Variants in PRCC observed in about 807,000 individuals in gnomAD.
PRCC encodes the protein proline-rich protein PRCC.
PRCC carries 10 observed loss-of-function variants against 44.0 expected under a neutral mutation model. That is an observed-to-expected ratio of 0.23 (90% confidence interval 0.14 to 0.39). PRCC has a LOEUF of 0.39. Ranked by LOEUF, PRCC falls within the 10% of genes least tolerant of loss-of-function variation. PRCC has a pLI of 1.00. For synonymous variants in PRCC, 278 were observed against 259.5 expected, an observed-to-expected ratio of 1.07 and a Z score of -0.69; for missense variants, 573 against 624.7, an observed-to-expected ratio of 0.92 and a Z score of 0.88.
At chr1:156,797,368 C>G (rs372265735) in intron 6 of PRCC, 27 bp downstream of exon 6, 1 of 1,613,404 alleles carries the variant, frequency 6.2e-7, no homozygotes, top group South Asian at 1.1e-5. Context: ...GGCTCTGGCT[C>G]AGGCAGGATC....
rs1262687240 is a variant in PRCC at position 156,791,745 on chromosome 1, C to A, written c.1132C>A (p.Pro378Thr). ...TCCTGCACAGGACCCGGCCCTGGTC[C>A]CCCCCCAGGAAATTGCCCCAGATGC... The part of the protein sequence containing the change: ...YYPAQDPALV[P>T]PQEIAPDASF... Residue 378 changes from proline (P) to threonine (T), a missense_variant, in exon 4 of 7, where the codon CCC becomes ACC. By Grantham distance (38) the Pro-to-Thr change is conservative. Coordinates refer to ENST00000271526, the MANE Select transcript of PRCC (RefSeq NM_005973.5). 1 of 1,613,796 alleles carries A rather than the reference C, an allele frequency of 6.2e-7. No homozygotes were observed. Among genetic ancestry groups the A allele is most frequent in the South Asian group, 1.1e-5 (1 of 91,042 alleles).
intron 4 of PRCC, among the ~76,000 whole-genome samples, chr1:156,792,033 G>A (rs1247161184): frequency 7.2e-6 from 1 of 139,370 alleles, no homozygotes; most frequent in Non-Finnish European, 1.6e-5. Context: ...GCTCCACAGA[G>A]TCAGGGATCT....
chr1:156,771,235 G>A (rs1260716090), intron 1 of PRCC, among the ~76,000 whole-genome samples: 2 of 152,222 alleles, frequency 1.3e-5, no homozygotes, highest in Admixed American at 6.5e-5. Context: ...GCATTTGAGA[G>A]GGTGGGGAGT....
At chr1:156,775,315 T>C (rs576440902) in intron 1 of PRCC, among the ~76,000 whole-genome samples, 1 of 151,700 alleles carries the variant, frequency 6.6e-6, no homozygotes, top group African/African-American at 2.4e-5. Flanking sequence ...CTCAGACCCC[T>C]GGGCTCAAGT....
At chr1:156,789,177 T>G (rs1323496256) in intron 3 of PRCC, among the ~76,000 whole-genome samples, 1 of 152,076 alleles carries the variant, frequency 6.6e-6, no homozygotes, top group Non-Finnish European at 1.5e-5. Context: ...ACCATGTTGG[T>G]CAGGCTGGTC....
At chr1:156,795,913 CACCAGCGAG>C (rs1378691775) in intron 5 of PRCC, 11 of 152,258 alleles carry the variant, frequency 7.2e-5, no homozygotes, top group Non-Finnish European at 5.9e-5. Flanking sequence ...TTGAGCCCAG[CACCAGCGAG>C]ACCAAGGTCG....
intron 2 of PRCC, among the ~76,000 whole-genome samples, chr1:156,782,954 G>GGA (rs1484244100): frequency 6.6e-6 from 1 of 151,968 alleles, no homozygotes; most frequent in African/African-American, 2.4e-5. Context: ...TGCCCAGGCT[G>GGA]GAGTGCAATG....
chr1:156,791,223 C>T, intron 3 of PRCC: 2 of 1,176,448 alleles, frequency 1.7e-6, no homozygotes, highest in Non-Finnish European at 1.2e-6. Flanking sequence ...ACCTCCCCAC[C>T]CGGTTTAGAC....
At position 156,791,033 on chromosome 1, in the gene PRCC, C is replaced by T. The variant is rs1240538096; in HGVS notation, c.1084-664C>T. 7.2e-6 allele frequency: 9 copies of T among 1,256,462 alleles called. 1 individual carries two copies. The East Asian group carries it at 3.3e-4, about 46-fold the overall frequency. 77.8% of individuals were successfully genotyped at this position (1,256,462 alleles called of 1,614,324 possible). Reference sequence around the variant, plus strand: ...GCTGCCTGACTTCACCAAGCAGAGGCCTTGCCCTTGCCTTCACCCTCCTCT... The same window carrying T: ...GCTGCCTGACTTCACCAAGCAGAGGTCTTGCCCTTGCCTTCACCCTCCTCT... On this transcript the variant is annotated intron_variant, in intron 3 of 6. Coordinates refer to ENST00000271526, the MANE Select transcript of PRCC (RefSeq NM_005973.5).
chr1:156,791,181 T>C, intron 3 of PRCC: 1 of 1,376,890 alleles, frequency 7.3e-7, no homozygotes, highest in Non-Finnish European at 9.9e-7. Context: ...CATTGTATCC[T>C]AATAGTGGTT....
At chr1:156,776,171 C>G (rs2102756149) in intron 1 of PRCC, among the ~76,000 whole-genome samples, 1 of 152,296 alleles carries the variant, frequency 6.6e-6, no homozygotes. Context: ...GCCTGCGCAA[C>G]AGAGTGAGAC....
chr1:156,780,665 A>G (rs1476394070), intron 1 of PRCC, among the ~76,000 whole-genome samples: 1 of 151,960 alleles, frequency 6.6e-6, no homozygotes, highest in Non-Finnish European at 1.5e-5. Flanking sequence ...GTTTTCCGTA[A>G]TGGTAGTACT....
intron 4 of PRCC, among the ~76,000 whole-genome samples, chr1:156,793,904 G>C (rs1652572561): frequency 6.6e-6 from 1 of 150,870 alleles, no homozygotes; most frequent in Non-Finnish European, 1.5e-5. Context: ...TGGTATTATA[G>C]ATGTGAGTCA....
At chr1:156,774,043 A>G (rs1213432485) in intron 1 of PRCC, among the ~76,000 whole-genome samples, 1 of 152,098 alleles carries the variant, frequency 6.6e-6, no homozygotes, top group Non-Finnish European at 1.5e-5. Flanking sequence ...GTATCTAGAA[A>G]AGTCAAATTC....
intron 4 of PRCC, 44 bp from the exon 5 acceptor site, chr1:156,794,621 A>G (rs1279384908): frequency 6.8e-6 from 11 of 1,608,542 alleles, no homozygotes; most frequent in Non-Finnish European, 9.3e-6. Flanking sequence ...ATCTGCTGAC[A>G]CCCTTGCCCA....
chr1:156,768,045 C>A lies in PRCC; in HGVS notation c.274C>A (p.Pro92Thr). ...GCCCTTCGGCCTGGGAGGCTTCCCC[C>A]CACCTCCAGGCGTGAGCCCGGCTGA... Reference protein sequence around the residue: ...PLPFGLGGFPPPPGVSPAEAA... With the variant: ...PLPFGLGGFPTPPGVSPAEAA... The change falls in exon 1 of 7, where the codon CCA becomes ACA. Residue 92 changes from proline (P) to threonine (T), a missense_variant. Physicochemically the swap from Pro to Thr is conservative, Grantham distance 38 (BLOSUM62 -1). Around this residue, in one of 4 missense-constraint regions of PRCC, gnomAD observed 245 missense variants for 188.5 expected, o/e 1.30. Coordinates refer to ENST00000271526, the MANE Select transcript of PRCC (RefSeq NM_005973.5). 6.3e-7 allele frequency: 1 copy of A among 1,581,396 alleles called. No individual in the cohort carries two copies. Among genetic ancestry groups the A allele is most frequent in the East Asian group, 2.3e-5 (1 of 43,692 alleles).
chr1:156,767,650 G>C lies in PRCC; in HGVS notation c.-122G>C. On this transcript the variant is annotated 5_prime_UTR_variant, in exon 1 of 7. Transcript: ENST00000271526. ...CTGCCGGGGCTAGCCCTAGAGTACGGAGCAGGCGGACTTTTCGGTTCCCCG... is the reference window on the plus strand; with the variant it reads ...CTGCCGGGGCTAGCCCTAGAGTACGCAGCAGGCGGACTTTTCGGTTCCCCG... The C allele has an allele frequency of 1.0e-6, 1 of 968,706 alleles. No individual in the cohort carries two copies. The highest frequency in any genetic ancestry group is 1.7e-5 in the South Asian group (1 of 57,948). The allele number at this position is 968,706 out of a possible 1,614,324, so 60.0% of individuals were successfully genotyped here. A position where few individuals can be genotyped will look rare whatever the true frequency, so the allele number is the denominator to read the frequency against.
At chr1:156,787,450 GATATATATATATATATATATATATATAT>G (rs57206380) in intron 3 of PRCC, among the ~76,000 whole-genome samples, 58,443 of 124,876 alleles carry the variant, frequency 0.47, 13,270 homozygotes, top group East Asian at 0.69. Context: ...ATTTGTGATT[GATATATATATATATATATATATATATAT>G]ATATATATAT....
chr1:156,768,081 G>T lies in PRCC; in HGVS notation c.310G>T (p.Val104Phe), dbSNP rs1429934172. Residue 104 changes from valine (V) to phenylalanine (F), a missense_variant, in exon 1 of 7, where the codon GTT becomes TTT. Physicochemically the swap from Val to Phe is conservative, Grantham distance 50. Coordinates refer to ENST00000271526, the MANE Select transcript of PRCC (RefSeq NM_005973.5). ...CGTGAGCCCGGCTGAAGCGGCGGGA[G>T]TTGGGGAGGGACTGGGATTGGGGTT... ...PGVSPAEAAG[V>F]GEGLGLGLPS... The T allele has an allele frequency of 2.0e-5, 32 of 1,588,528 alleles. No homozygotes were observed. The highest frequency in any genetic ancestry group is 2.5e-5 in the Non-Finnish European group (29 of 1,167,356).
Sources: allele counts gnomAD v4.1 joint callset (sites outside exome capture counted in the v4.1 genomes callset), GRCh38; gene constraint gnomAD v4.1.1; regional missense constraint gnomAD v4.1.1; transcripts MANE v1.5; gene names NCBI Gene and HGNC (gene_info 2026-07-23, HGNC 2026-07-21).